Variants in IL1RAPL2 observed in about 807,000 individuals in gnomAD.
IL1RAPL2 encodes X-linked interleukin-1 receptor accessory protein-like 2.
A neutral mutation model predicts 44.1 loss-of-function variants in IL1RAPL2; 3 were observed. The ratio of observed to expected loss-of-function variants is 0.07; its 90% CI spans 0.03 to 0.18. The LOEUF (loss-of-function observed/expected upper bound fraction) is 0.18. Ranked by LOEUF, IL1RAPL2 falls within the 10% of genes least tolerant of loss-of-function variation. IL1RAPL2 has a pLI of 1.00. For missense variants in IL1RAPL2, 391 were observed against 496.4 expected (o/e 0.79, Z 2.02); for synonymous variants, 181 against 178.8 (o/e 1.01, Z -0.10).
At chrX:105,494,724 G>A (rs1262769689) in intron 6 of IL1RAPL2, among the ~76,000 whole-genome samples, 1 of 111,124 alleles carries the variant, frequency 9.0e-6, no homozygotes, top group Non-Finnish European at 1.9e-5. Context: ...GCATGATTCT[G>A]GCTCACTGCA....
At chrX:105,150,066 A>G (rs2033213311) in intron 2 of IL1RAPL2, among the ~76,000 whole-genome samples, 2 of 110,428 alleles carry the variant, frequency 1.8e-5, no homozygotes, top group Admixed American at 2.0e-4. Flanking sequence ...CATATATGAG[A>G]TGAAGACACT....
intron 2 of IL1RAPL2, among the ~76,000 whole-genome samples, chrX:104,800,446 T>C (rs1043798691): frequency 1.8e-5 from 2 of 111,722 alleles, no homozygotes; most frequent in Non-Finnish European, 3.8e-5. Context: ...TTCCAAAAAT[T>C]GTTGCAAGAG....
chrX:104,962,064 TTCACA>T (rs200246366), intron 2 of IL1RAPL2, among the ~76,000 whole-genome samples: 2,080 of 112,202 alleles, frequency 0.019, 50 homozygotes, highest in African/African-American at 0.062. Context: ...GTTTCAGGCC[TTCACA>T]GGCTAAAATG....
At chrX:104,838,910 C>T (rs773245844) in intron 2 of IL1RAPL2, among the ~76,000 whole-genome samples, 7 of 91,154 alleles carry the variant, frequency 7.7e-5, no homozygotes, top group African/African-American at 2.1e-4. Context: ...AGTGCAGTGG[C>T]GTGATCTTGA....
chrX:105,727,885 AT>A (rs1272076510), intron 7 of IL1RAPL2, among the ~76,000 whole-genome samples: 64 of 111,378 alleles, frequency 5.7e-4, no homozygotes, highest in Non-Finnish European at 1.9e-5. Flanking sequence ...ACACACTGTA[AT>A]TTTTAGAGCA....
chrX:105,622,184 A>T (rs1486544338), intron 6 of IL1RAPL2, among the ~76,000 whole-genome samples: 1 of 109,537 alleles, frequency 9.1e-6, no homozygotes, highest in African/African-American at 3.3e-5. Context: ...AATGTTTTAA[A>T]GTATTTAGGA....
Position 104,892,535 on chromosome X carries a change from C to G in IL1RAPL2, c.82+233540C>G, listed in dbSNP as rs866355928. On this transcript the variant is annotated intron_variant, in intron 2 of 10. Transcript: ENST00000372582. ...TTAGTCTTTGGAGGGTGTATGTGCA[C>G]AGGAATTTATCCATTTCTTCTAGAT... 2.8e-4 allele frequency among the ~76,000 whole-genome samples: 31 copies of G among 111,625 alleles called. 1 individual carries two copies. The highest frequency in any genetic ancestry group is 1.0e-3 in the African/African-American group (31 of 30,663).
intron 6 of IL1RAPL2, among the ~76,000 whole-genome samples, chrX:105,651,664 G>A (rs2037643108): frequency 9.0e-6 from 1 of 111,356 alleles, no homozygotes; most frequent in Admixed American, 9.5e-5. Flanking sequence ...TCCTAGTTAT[G>A]GAAATTTATT....
rs761733652 is a variant in IL1RAPL2, at chrX:105,458,678, A to G, written c.698-25635A>G. Among the ~76,000 whole-genome samples the G allele has an allele frequency of 1.5e-4, 17 of 111,437 alleles. No homozygotes were observed. The South Asian group carries it at 6.4e-3, about 42-fold the overall frequency. ...CCAGTTTTTCCTTTTTACGTTTTTC[A>G]GTCAGCCTCTTATCAATTCCCATTG... On this transcript the variant is annotated intron_variant, in intron 5 of 10. Transcript: ENST00000372582.
intron 6 of IL1RAPL2, among the ~76,000 whole-genome samples, chrX:105,564,299 T>C (rs1045248357): frequency 9.0e-6 from 1 of 111,653 alleles, no homozygotes; most frequent in Non-Finnish European, 1.9e-5. Context: ...AGAATTTCTG[T>C]GATTTTGTGA....
At chrX:104,634,534 T>C (rs989199664) in intron 1 of IL1RAPL2, among the ~76,000 whole-genome samples, 1 of 112,125 alleles carries the variant, frequency 8.9e-6, no homozygotes, top group East Asian at 2.8e-4. Flanking sequence ...GCTCCTGTGC[T>C]GGGTGCATAT....
chrX:105,553,141 G>T (rs1293206692), intron 6 of IL1RAPL2, among the ~76,000 whole-genome samples: 1 of 112,032 alleles, frequency 8.9e-6, no homozygotes, highest in Non-Finnish European at 1.9e-5. Flanking sequence ...ACTCAATCTA[G>T]AGTCTCCTTA....
At chrX:104,869,412 A>G (rs1021292499) in intron 2 of IL1RAPL2, among the ~76,000 whole-genome samples, 1 of 111,556 alleles carries the variant, frequency 9.0e-6, no homozygotes, top group Non-Finnish European at 1.9e-5. Context: ...TGTTAACTAT[A>G]GTCATCTTCC....
At chrX:105,250,536 C>T (rs965495757) in intron 4 of IL1RAPL2, among the ~76,000 whole-genome samples, 1 of 109,137 alleles carries the variant, frequency 9.2e-6, no homozygotes, top group Non-Finnish European at 1.9e-5. Context: ...TTCTATAAAC[C>T]TAAAACTAAA....
At chrX:104,843,686 C>A (rs1921969444) in intron 2 of IL1RAPL2, among the ~76,000 whole-genome samples, 1 of 109,143 alleles carries the variant, frequency 9.2e-6, no homozygotes, top group South Asian at 4.1e-4. Flanking sequence ...TGAAGTGACA[C>A]CCCATCCTGC....
intron 6 of IL1RAPL2, 45 bp downstream of exon 6, chrX:105,484,432 T>C (rs1569446609): frequency 1.1e-6 from 1 of 910,229 alleles, no homozygotes; most frequent in Non-Finnish European, 1.6e-6. Context: ...TTGCCCTCTG[T>C]TAACAGATGG....
intron 1 of IL1RAPL2, among the ~76,000 whole-genome samples, chrX:104,621,706 C>A (rs1300679991): frequency 9.0e-6 from 1 of 110,772 alleles, no homozygotes; most frequent in East Asian, 2.8e-4. Context: ...GGTTATTAGC[C>A]AATCAGGAGA....
At chrX:105,640,652 GTGTATATATATATATATATATATATATA>G (rs1398299529) in intron 6 of IL1RAPL2, among the ~76,000 whole-genome samples, 2 of 49,344 alleles carry the variant, frequency 4.1e-5, no homozygotes, top group Non-Finnish European at 7.2e-5. Flanking sequence ...ATGTATGTGT[GTGTATATATATATATATATATATATATA>G]TATATATATA....
rs753334673 is a variant in IL1RAPL2 at position 104,954,057 on chromosome X, T to G, written c.83-241418T>G. Among the ~76,000 whole-genome samples the G allele has an allele frequency of 3.6e-5, 4 of 111,865 alleles. No individual in the cohort carries two copies. In the South Asian group the frequency reaches 1.5e-3, roughly 42 times the overall value. On this transcript the variant is annotated intron_variant, in intron 2 of 10. Transcript: ENST00000372582. ...AGACAGATTGAAGGGATATTCTTTC[T>G]TTCTGCCCTGGGCCAATAGGTCCAA...
Sources: gnomAD v4.1 joint callset for allele counts (sites outside exome capture counted in the v4.1 genomes callset) on GRCh38, gnomAD v4.1.1 for gene constraint, MANE v1.5 for transcripts, NCBI Gene and HGNC (gene_info 2026-07-23, HGNC 2026-07-21) for gene names.